Variants in PDCD10 observed in about 807,000 individuals in gnomAD.
PDCD10 encodes the protein programmed cell death 10.
Under a neutral mutation model 29.2 loss-of-function variants are expected in PDCD10, and 4 were observed. The observed-to-expected ratio is 0.14, with a 90% CI of 0.07 to 0.31. The LOEUF (loss-of-function observed/expected upper bound fraction) is 0.31. Among genes scored for constraint, PDCD10 ranks in the 10% least tolerant of loss-of-function variants. The pLI, the probability that PDCD10 is intolerant of heterozygous loss-of-function variation, is 1.00. For synonymous variants in PDCD10, 70 were observed against 82.2 expected (o/e 0.85, Z 0.80); for missense variants, 183 against 257.9 (o/e 0.71, Z 1.99).
At chr3:167,713,274 C>A (rs1254788146) in intron 3 of PDCD10, among the ~76,000 whole-genome samples, 1 of 151,932 alleles carries the variant, frequency 6.6e-6, no homozygotes, top group Non-Finnish European at 1.5e-5. Context: ...AAACCAGTAA[C>A]AAGAGAAATT....
intron 2 of PDCD10, among the ~76,000 whole-genome samples, chr3:167,733,958 G>A (rs752966829): frequency 2.6e-5 from 4 of 151,992 alleles, no homozygotes; most frequent in African/African-American, 9.7e-5. Flanking sequence ...ATTTCACTCC[G>A]GTTCAAGAAA....
intron 2 of PDCD10, among the ~76,000 whole-genome samples, chr3:167,724,628 T>C (rs1723903940): frequency 6.6e-6 from 1 of 152,174 alleles, no homozygotes; most frequent in Admixed American, 6.5e-5. Context: ...AATTTATAAA[T>C]TGAATCAGTC....
At chr3:167,689,530 T>C (rs1046211425) in intron 6 of PDCD10, among the ~76,000 whole-genome samples, 2 of 152,130 alleles carry the variant, frequency 1.3e-5, no homozygotes, top group African/African-American at 4.8e-5. Context: ...GGCTAGATTC[T>C]ACAAGTCAAA....
chr3:167,724,177 A>G (rs1461067919), intron 2 of PDCD10, among the ~76,000 whole-genome samples: 1 of 152,174 alleles, frequency 6.6e-6, no homozygotes, highest in African/African-American at 2.4e-5. Flanking sequence ...AGCCAAAGCT[A>G]TTTACTATCA....
intron 4 of PDCD10, among the ~76,000 whole-genome samples, chr3:167,698,374 A>T (rs1721022180): frequency 6.6e-6 from 1 of 152,098 alleles, no homozygotes; most frequent in Non-Finnish European, 1.5e-5. Flanking sequence ...ATATTTTAAA[A>T]AGAATCTACT....
At chr3:167,715,098 C>G (rs1416095759) in intron 3 of PDCD10, among the ~76,000 whole-genome samples, 1 of 151,548 alleles carries the variant, frequency 6.6e-6, no homozygotes, top group Non-Finnish European at 1.5e-5. Flanking sequence ...AATAGAGAAC[C>G]CTGAAACAAA....
intron 4 of PDCD10, among the ~76,000 whole-genome samples, chr3:167,703,788 C>T (rs1423152820): frequency 1.3e-5 from 2 of 151,922 alleles, no homozygotes; most frequent in African/African-American, 4.8e-5. Context: ...CTATGAGCTA[C>T]CTATGTAATA....
chr3:167,706,354 A>G (rs1293367172), intron 3 of PDCD10, among the ~76,000 whole-genome samples: 1 of 152,204 alleles, frequency 6.6e-6, no homozygotes, highest in Non-Finnish European at 1.5e-5. Context: ...GGGGATGGAT[A>G]TGTTTTGAGA....
intron 2 of PDCD10, among the ~76,000 whole-genome samples, chr3:167,728,464 C>T (rs902300405): frequency 1.3e-5 from 2 of 152,158 alleles, no homozygotes; most frequent in African/African-American, 4.8e-5. Flanking sequence ...GAATTCCAGT[C>T]TATCTTGAAG....
At chr3:167,719,320 T>G (rs1723340926) in intron 3 of PDCD10, among the ~76,000 whole-genome samples, 1 of 152,146 alleles carries the variant, frequency 6.6e-6, no homozygotes, top group Non-Finnish European at 1.5e-5. Flanking sequence ...AGATCTTGAT[T>G]TGATTTGTTA....
intron 5 of PDCD10, 110 bp downstream of exon 5, chr3:167,696,899 G>A (rs1271335015): frequency 4.0e-6 from 3 of 755,108 alleles, no homozygotes; most frequent in Non-Finnish European, 7.3e-6. Context: ...AAGTGAAAGG[G>A]AGGGAGGGAA....
At chr3:167,730,146 T>A (rs1324926608) in intron 2 of PDCD10, among the ~76,000 whole-genome samples, 1 of 152,112 alleles carries the variant, frequency 6.6e-6, no homozygotes, top group Non-Finnish European at 1.5e-5. Flanking sequence ...CAAACCACAG[T>A]GTTTATCTTT....
At chr3:167,708,475 C>T (rs906413122) in intron 3 of PDCD10, among the ~76,000 whole-genome samples, 1 of 152,172 alleles carries the variant, frequency 6.6e-6, no homozygotes, top group Non-Finnish European at 1.5e-5. Flanking sequence ...GTTCACGCCC[C>T]TCTCCCTACC....
At chr3:167,699,175 CT>C (rs1421784656) in intron 4 of PDCD10, among the ~76,000 whole-genome samples, 6 of 152,066 alleles carry the variant, frequency 3.9e-5, no homozygotes, top group African/African-American at 1.4e-4. Flanking sequence ...GACCTTGCCC[CT>C]CTCATTTCCT....
At chr3:167,716,078 A>G (rs1363815750) in intron 3 of PDCD10, among the ~76,000 whole-genome samples, 1 of 152,048 alleles carries the variant, frequency 6.6e-6, no homozygotes, top group Non-Finnish European at 1.5e-5. Flanking sequence ...ATGGAGAACT[A>G]TTCGGCCATA....
intron 3 of PDCD10, among the ~76,000 whole-genome samples, chr3:167,705,448 A>G (rs1353523856): frequency 6.6e-6 from 1 of 152,196 alleles, no homozygotes; most frequent in East Asian, 1.9e-4. Flanking sequence ...TTATGAACAT[A>G]TATCATATTA....
chr3:167,727,444 A>G (rs2108503933), intron 2 of PDCD10, among the ~76,000 whole-genome samples: 1 of 152,340 alleles, frequency 6.6e-6, no homozygotes. Context: ...GAAGACAGGA[A>G]ACAAATCTGT....
chr3:167,691,617 G>A (rs1295150539), intron 6 of PDCD10, among the ~76,000 whole-genome samples: 1 of 152,222 alleles, frequency 6.6e-6, no homozygotes, highest in Non-Finnish European at 1.5e-5. Flanking sequence ...AAAGTGACAG[G>A]ATGAGAGCTC....
chr3:167,705,759 A>G (rs1721909608), intron 3 of PDCD10, among the ~76,000 whole-genome samples: 1 of 152,230 alleles, frequency 6.6e-6, no homozygotes, highest in African/African-American at 2.4e-5. Context: ...TAAACAGCCC[A>G]GTAAACAAAT....
Sources: allele counts gnomAD v4.1 joint callset (sites outside exome capture counted in the v4.1 genomes callset), GRCh38; gene constraint gnomAD v4.1.1; transcripts MANE v1.5; gene names NCBI Gene and HGNC (gene_info 2026-07-23, HGNC 2026-07-21).